Variants in GLRA2 observed in about 807,000 individuals in gnomAD.
GLRA2 encodes glycine receptor subunit alpha-2.
Under a neutral mutation model 31.6 loss-of-function variants are expected in GLRA2, and 11 were observed. The ratio of observed to expected loss-of-function variants is 0.35; its 90% CI spans 0.22 to 0.58. The LOEUF (loss-of-function observed/expected upper bound fraction) is 0.58. Ranked by LOEUF, GLRA2 falls within the 20% of genes least tolerant of loss-of-function variation. The pLI, the probability that GLRA2 is intolerant of heterozygous loss-of-function variation, is 0.84. For synonymous variants in GLRA2, 132 were observed against 134.0 expected (o/e 0.99, Z 0.10); for missense variants, 212 against 351.8 (o/e 0.60, Z 3.18).
chrX:14,717,883 T>G (rs1163680936), intron 8 of GLRA2, among the ~76,000 whole-genome samples: 1 of 111,109 alleles, frequency 9.0e-6, no homozygotes, highest in African/African-American at 3.3e-5. Context: ...CAGATACTTA[T>G]TTTGAAAGGA....
chrX:14,727,538 G>C (rs891572411), intron 8 of GLRA2, among the ~76,000 whole-genome samples: 1 of 112,136 alleles, frequency 8.9e-6, no homozygotes, highest in Non-Finnish European at 1.9e-5. Context: ...CTAATGACCT[G>C]TATGTGCTTC....
chrX:14,530,801 G>A (rs1259760317), intron 1 of GLRA2, among the ~76,000 whole-genome samples: 3 of 111,564 alleles, frequency 2.7e-5, no homozygotes, highest in Non-Finnish European at 5.7e-5. Flanking sequence ...CATGGTTTAC[G>A]AATAGTTGCC....
intron 7 of GLRA2, among the ~76,000 whole-genome samples, chrX:14,627,341 A>C (rs1192379592): frequency 9.0e-6 from 1 of 111,376 alleles, no homozygotes; most frequent in African/African-American, 3.3e-5. Context: ...TTGGTCTTAG[A>C]TAAGTAAATT....
chrX:14,464,646 T>C, the GLRA2 span, among the ~76,000 whole-genome samples: 1 of 110,283 alleles, frequency 9.1e-6, no homozygotes, highest in Non-Finnish European at 1.9e-5. Flanking sequence ...AACCTCCGCC[T>C]CCCAGGTTCA....
chrX:14,480,958 G>T, the GLRA2 span, among the ~76,000 whole-genome samples: 1 of 104,493 alleles, frequency 9.6e-6, no homozygotes, highest in Non-Finnish European at 2.0e-5. Flanking sequence ...TCTGTAGATT[G>T]CTTTGGGCAG....
chrX:14,492,441 T>C, the GLRA2 span, among the ~76,000 whole-genome samples: 1 of 111,626 alleles, frequency 9.0e-6, no homozygotes, highest in Non-Finnish European at 1.9e-5. Flanking sequence ...TCCCACTAAT[T>C]ACAATTAAAA....
At chrX:14,623,609 A>G (rs1884643276) in intron 7 of GLRA2, among the ~76,000 whole-genome samples, 1 of 111,510 alleles carries the variant, frequency 9.0e-6, no homozygotes, top group Non-Finnish European at 1.9e-5. Context: ...TGAGATAATC[A>G]TGTGTTTTTG....
At position 14,723,762 on chromosome X, in the gene GLRA2, C is replaced by G. The variant is rs187060347; in HGVS notation, c.1081-6445C>G. ...CTTTAATGCCTCTCATTTTTTAAAT[C>G]TCTAATGAAATATCACTTCCTAGGG... is the stretch of plus-strand genomic sequence containing the variant. On this transcript the variant is annotated intron_variant, in intron 8 of 8. Coordinates refer to ENST00000218075, the MANE Select transcript of GLRA2 (RefSeq NM_002063.4). Among the ~76,000 whole-genome samples the G allele has an allele frequency of 1.3e-3, 144 of 111,964 alleles. 1 individual carries two copies. The highest frequency in any genetic ancestry group is 4.6e-3 in the Middle Eastern group (1 of 218).
At chrX:14,584,562 C>T (rs1437701897) in intron 4 of GLRA2, among the ~76,000 whole-genome samples, 1 of 111,992 alleles carries the variant, frequency 8.9e-6, no homozygotes, top group Non-Finnish European at 1.9e-5. Flanking sequence ...TGGCTGACAG[C>T]CCCAATGTCT....
intron 7 of GLRA2, among the ~76,000 whole-genome samples, chrX:14,657,874 CATTT>C (rs1433003965): frequency 1.8e-5 from 2 of 111,825 alleles, no homozygotes; most frequent in Non-Finnish European, 3.8e-5. Flanking sequence ...GCACATTAAA[CATTT>C]ATAATATAAC....
At chrX:14,548,905 G>T (rs1027453107) in intron 2 of GLRA2, among the ~76,000 whole-genome samples, 1 of 100,318 alleles carries the variant, frequency 1.0e-5, no homozygotes, top group Non-Finnish European at 2.0e-5. Context: ...TTCTCCTCTT[G>T]AGCTTCATCT....
chrX:14,568,905 T>C (rs941261207), intron 2 of GLRA2, among the ~76,000 whole-genome samples: 1 of 111,338 alleles, frequency 9.0e-6, no homozygotes, highest in Non-Finnish European at 1.9e-5. Context: ...CAATTGATCC[T>C]TGGATATGAA....
chrX:14,648,526 T>C (rs750792088), intron 7 of GLRA2, among the ~76,000 whole-genome samples: 1 of 111,886 alleles, frequency 8.9e-6, no homozygotes, highest in South Asian at 3.7e-4. Context: ...ATAGACTTTA[T>C]TAAAATTAAA....
chrX:14,597,071 G>A (rs993457325), intron 4 of GLRA2, among the ~76,000 whole-genome samples: 1 of 111,462 alleles, frequency 9.0e-6, no homozygotes, highest in Non-Finnish European at 1.9e-5. Context: ...TTCACTTAAG[G>A]TCTAGGTGGG....
the GLRA2 span, among the ~76,000 whole-genome samples, chrX:14,501,920 A>C: frequency 9.0e-6 from 1 of 111,192 alleles, no homozygotes; most frequent in Non-Finnish European, 1.9e-5. Flanking sequence ...ATTGCAGATG[A>C]CCGTCTTCCT....
intron 7 of GLRA2, 86 bp from the exon 8 acceptor site, chrX:14,690,624 A>C: frequency 1.5e-6 from 1 of 652,786 alleles, no homozygotes; most frequent in Non-Finnish European, 2.5e-6. Flanking sequence ...CACCATTAAG[A>C]ATCTGGTTTC....
intron 6 of GLRA2, among the ~76,000 whole-genome samples, chrX:14,607,748 C>T (rs2090351379): frequency 9.0e-6 from 1 of 110,978 alleles, no homozygotes; most frequent in Non-Finnish European, 1.9e-5. Flanking sequence ...GTTCTTCAGT[C>T]CTGGATAGCA....
In GLRA2 at chrX:14,604,369, C is replaced by T. The variant is rs868414686; in HGVS notation, c.549C>T (p.Val183=). 8.5e-7 allele frequency: 1 copy of T among 1,170,959 alleles called. No homozygotes were observed. Among genetic ancestry groups the T allele is most frequent in the South Asian group, 1.8e-5 (1 of 56,077 alleles). Residue 183 remains valine, a synonymous_variant, in exon 5 of 9, where the codon GTC becomes GTT. Transcript: ENST00000218075. The part of the protein sequence containing the change: ...PMDLKNFPMD[V]QTCTMQLESF... ...ACTTGAAGAACTTTCCGATGGATGT[C>T]CAGACCTGTACAATGCAGCTGGAGA...
chrX:14,728,421 AT>A (rs2091952476), intron 8 of GLRA2, among the ~76,000 whole-genome samples: 3 of 111,641 alleles, frequency 2.7e-5, no homozygotes, highest in Non-Finnish European at 3.8e-5. Context: ...GTTATAATTA[AT>A]TTTTTATTGG....
Sources: allele counts gnomAD v4.1 joint callset (sites outside exome capture counted in the v4.1 genomes callset), GRCh38; gene constraint gnomAD v4.1.1; transcripts MANE v1.5; gene names NCBI Gene and HGNC (gene_info 2026-07-23, HGNC 2026-07-21).